USP13: variants seen among roughly 807,000 people sequenced by gnomAD.
The protein encoded by USP13 is ubiquitin specific peptidase 13, also known as ubiquitin carboxyl-terminal hydrolase 13.
Under a neutral mutation model 107.8 loss-of-function variants are expected in USP13, and 68 were observed. The observed-to-expected ratio is 0.63, with a 90% CI of 0.52 to 0.77. The LOEUF (loss-of-function observed/expected upper bound fraction) is 0.77, where lower values mean the gene tolerates loss of function less well. USP13 is among the 30% of genes least tolerant of loss of function. The probability of loss-of-function intolerance (pLI) is 0.00; values close to 1 mark genes in which losing one functional copy is unlikely to be tolerated. For synonymous variants in USP13, 377 were observed against 389.5 expected, an observed-to-expected ratio of 0.97 and a Z score of 0.38; for missense variants, 945 against 1,093.3, an observed-to-expected ratio of 0.86 and a Z score of 1.91.
At chr3:179,687,721 C>G (rs973512663) in intron 2 of USP13, among the ~76,000 whole-genome samples, 1 of 146,804 alleles carries the variant, frequency 6.8e-6, no homozygotes, top group African/African-American at 2.5e-5. Flanking sequence ...AACCTTCCTT[C>G]CCTCAAACTT....
chr3:179,730,338 C>T, intron 9 of USP13, 78 bp downstream of exon 9: 2 of 1,421,934 alleles, frequency 1.4e-6, no homozygotes, highest in South Asian at 1.3e-5. Context: ...CTCTGGGTTG[C>T]AAAATTAAAG....
Position 179,701,074 on chromosome 3 carries a change from T to TG in USP13, c.422_423insG (p.Ile141MetfsTer7), listed in dbSNP as rs1712499383. 2 of 1,614,160 alleles carry TG rather than the reference T, an allele frequency of 1.2e-6. No homozygotes were observed. The highest frequency in any genetic ancestry group is 4.5e-5 in the East Asian group (2 of 44,894). ...TATGAAGATGAAGCCAAACTTGTTA[T>TG]ATTCCCAGATCACTATGAAATAGCA... On this transcript the variant is annotated frameshift_variant, in exon 4 of 21. Coordinates refer to ENST00000263966, the MANE Select transcript of USP13 (RefSeq NM_003940.3). LOFTEE classifies it high-confidence loss of function.
At chr3:179,771,783 T>G (rs895244035) in intron 19 of USP13, among the ~76,000 whole-genome samples, 1 of 152,172 alleles carries the variant, frequency 6.6e-6, no homozygotes, top group Non-Finnish European at 1.5e-5. Context: ...AAATTTTTCC[T>G]TTTAGGAATA....
chr3:179,743,926 GTTTTTTTTTT>G (rs35286740), intron 12 of USP13, among the ~76,000 whole-genome samples: 1 of 126,254 alleles, frequency 7.9e-6, no homozygotes, highest in African/African-American at 3.0e-5. Context: ...TAAATAAGGA[GTTTTTTTTTT>G]TTTTTTTTTG....
chr3:179,733,427 C>T (rs562648779), intron 10 of USP13, among the ~76,000 whole-genome samples: 1 of 152,322 alleles, frequency 6.6e-6, no homozygotes, highest in South Asian at 2.1e-4. Context: ...AAATAATTTA[C>T]AGCAAAAATC....
chr3:179,658,447 C>G (rs141948748), intron 1 of USP13, among the ~76,000 whole-genome samples: 108 of 152,312 alleles, frequency 7.1e-4, no homozygotes, highest in African/African-American at 2.5e-3. Context: ...CCCCCCTCCC[C>G]ACCTGCATTG....
intron 6 of USP13, among the ~76,000 whole-genome samples, chr3:179,716,387 C>A (rs1179309533): frequency 6.6e-6 from 1 of 152,200 alleles, no homozygotes; most frequent in African/African-American, 2.4e-5. Flanking sequence ...ACCCTTCACA[C>A]CAAACCAGCA....
chr3:179,668,237 T>C (rs1343078395), intron 1 of USP13, among the ~76,000 whole-genome samples: 1 of 152,128 alleles, frequency 6.6e-6, no homozygotes. Context: ...TGGGCTCAAG[T>C]GGTCCTCCCG....
At chr3:179,662,860 C>T (rs1271968842) in intron 1 of USP13, among the ~76,000 whole-genome samples, 2 of 152,202 alleles carry the variant, frequency 1.3e-5, no homozygotes, top group African/African-American at 4.8e-5. Context: ...GCATTCCTCT[C>T]CCTATGGACT....
In USP13 at chr3:179,725,397, A is replaced by G. The variant is rs140396184; in HGVS notation, c.1088+3808A>G. Among the ~76,000 whole-genome samples, 339 of 152,266 alleles carry G rather than the reference A, an allele frequency of 2.2e-3. 2 individuals are homozygous for G. Among genetic ancestry groups the G allele is most frequent in the African/African-American group, 7.8e-3 (324 of 41,554 alleles). Reference sequence around the variant, plus strand: ...TATATATTGTTAGGAATTCTTCAGTATAGTCCCTGCATCTAAATAGTTTAA... The same window carrying G: ...TATATATTGTTAGGAATTCTTCAGTGTAGTCCCTGCATCTAAATAGTTTAA... On this transcript the variant is annotated intron_variant, in intron 8 of 20. Transcript: ENST00000263966.
intron 8 of USP13, among the ~76,000 whole-genome samples, chr3:179,722,491 CTTATTT>C (rs1327035251): frequency 6.6e-6 from 1 of 152,064 alleles, no homozygotes; most frequent in East Asian, 1.9e-4. Context: ...TATTTTTTAA[CTTATTT>C]TTAATTATTA....
chr3:179,688,817 T>C (rs1022573438), intron 2 of USP13, among the ~76,000 whole-genome samples: 5 of 152,232 alleles, frequency 3.3e-5, no homozygotes, highest in African/African-American at 4.8e-5. Flanking sequence ...CAATAGGTTT[T>C]ATTTCATCCC....
intron 2 of USP13, among the ~76,000 whole-genome samples, chr3:179,687,208 T>G (rs1196354478): frequency 6.6e-6 from 1 of 152,184 alleles, no homozygotes; most frequent in Non-Finnish European, 1.5e-5. Flanking sequence ...CTAAAAAATT[T>G]CCTTCCTCTT....
chr3:179,719,382 T>C (rs1222314697), intron 6 of USP13, among the ~76,000 whole-genome samples: 3 of 151,976 alleles, frequency 2.0e-5, no homozygotes, highest in Non-Finnish European at 4.4e-5. Context: ...GACCTGAAGG[T>C]AGGAAAGAAG....
In USP13 at chr3:179,719,951, T is replaced by C. The variant is rs1451317058; in HGVS notation, c.817T>C (p.Phe273Leu). The part of the protein sequence containing the change: ...ITPDGADVYS[F>L]QEEEPVLDPH... ...TCTTCATCCGCTAGATGTTTATTCTTTTCAAGAAGAAGAACCTGTTTTGGA... is the reference window on the plus strand; with the variant it reads ...TCTTCATCCGCTAGATGTTTATTCTCTTCAAGAAGAAGAACCTGTTTTGGA... The change falls in exon 7 of 21, where the codon TTT becomes CTT. Residue 273 changes from phenylalanine (F) to leucine (L), a missense_variant. By Grantham distance (22) the Phe-to-Leu change is conservative. Coordinates refer to ENST00000263966, the MANE Select transcript of USP13 (RefSeq NM_003940.3). The C allele has an allele frequency of 5.0e-6, 8 of 1,613,878 alleles. No individual in the cohort carries two copies. Among genetic ancestry groups the C allele is most frequent in the Non-Finnish European group, 6.8e-6 (8 of 1,179,888 alleles).
At chr3:179,717,677 G>A (rs1392270632) in intron 6 of USP13, among the ~76,000 whole-genome samples, 6 of 147,798 alleles carry the variant, frequency 4.1e-5, no homozygotes, top group African/African-American at 5.0e-5. Flanking sequence ...CCTTGAGCTA[G>A]TATTTAAGTG....
At chr3:179,730,586 T>C (rs1275869460) in intron 9 of USP13, 30 bp from the exon 10 acceptor site, 2 of 1,574,846 alleles carry the variant, frequency 1.3e-6, no homozygotes, top group Non-Finnish European at 1.7e-6. Context: ...AACAATGACC[T>C]TTTTGTTTCT....
In USP13 at chr3:179,763,969, AG is replaced by A. The variant is rs769648131; in HGVS notation, c.2093-31del. 4.4e-5 allele frequency: 68 copies of A among 1,533,532 alleles called. No individual in the cohort carries two copies. The African/African-American group carries it at 8.9e-4, about 20-fold the overall frequency. 95.0% of individuals were successfully genotyped at this position (1,533,532 alleles called of 1,614,324 possible). The stretch of plus-strand genomic sequence containing the variant: ...TCAGGACAAAAAAAAAAAAAAAAAA[AG>A]GAAAAGACTTGGGTGTGGTTATTTT... On this transcript the variant is annotated intron_variant, in intron 17 of 20. Coordinates refer to ENST00000263966, the MANE Select transcript of USP13 (RefSeq NM_003940.3).
At chr3:179,720,559 G>A (rs800367) in intron 7 of USP13, among the ~76,000 whole-genome samples, 146,311 of 152,308 alleles carry the variant, frequency 0.96, 70,334 homozygotes, top group African/African-American at 0.99. Context: ...TTCAATGTGC[G>A]TTTCGTTTTA....
Sources: gnomAD v4.1 joint callset for allele counts (sites outside exome capture counted in the v4.1 genomes callset) on GRCh38, gnomAD v4.1.1 for gene constraint, MANE v1.5 for transcripts, NCBI Gene and HGNC (gene_info 2026-07-23, HGNC 2026-07-21) for gene names.